FGF12: variants seen among roughly 807,000 people sequenced by gnomAD.
The protein encoded by FGF12 is fibroblast growth factor 12B.
In FGF12, 14 loss-of-function variants were observed where a neutral mutation model predicts 23.6. The observed-to-expected ratio is 0.59, with a 90% CI of 0.39 to 0.93. The LOEUF (loss-of-function observed/expected upper bound fraction) is 0.93, where lower values mean the gene tolerates loss of function less well. FGF12 is among the 40% of genes least tolerant of loss of function. The pLI is 0.00. For missense variants in FGF12, 175 were observed against 217.8 expected (o/e 0.80, Z 1.24); for synonymous variants, 62 against 77.3 (o/e 0.80, Z 1.04).
At chr3:192,579,556 T>A (rs1055985532) in intron 2 of FGF12, among the ~76,000 whole-genome samples, 2 of 152,168 alleles carry the variant, frequency 1.3e-5, no homozygotes, top group Non-Finnish European at 2.9e-5. Context: ...CACATGTTAT[T>A]ATTATCATTA....
chr3:192,655,984 C>T lies in FGF12; in HGVS notation c.13+71197G>A, dbSNP rs114204034. On this transcript the variant is annotated intron_variant, in intron 2 of 5. Transcript: ENST00000445105. ...TAACTAGCACTCCAGACACATGGGC[C>T]GAGAAAAGAAACGTTACATGCCAGA... 8.6e-3 allele frequency among the ~76,000 whole-genome samples: 1,234 copies of T among 142,690 alleles called. 16 individuals carry two copies. Among genetic ancestry groups the T allele is most frequent in the African/African-American group, 0.03 (1,156 of 38,364 alleles). The allele number at this position is 142,690 out of a possible 152,430, so 93.6% of individuals were successfully genotyped here. A position where few individuals can be genotyped will look rare whatever the true frequency, so the allele number is the denominator to read the frequency against.
At chr3:192,585,935 T>C (rs1713356449) in intron 2 of FGF12, among the ~76,000 whole-genome samples, 1 of 152,146 alleles carries the variant, frequency 6.6e-6, no homozygotes, top group South Asian at 2.1e-4. Context: ...AAGCATACAG[T>C]AGTAGCAGTA....
intron 2 of FGF12, among the ~76,000 whole-genome samples, chr3:192,555,991 A>T (rs973419066): frequency 6.6e-6 from 1 of 152,180 alleles, no homozygotes; most frequent in Non-Finnish European, 1.5e-5. Flanking sequence ...GGTAAACACA[A>T]TAAAAGGTAT....
At chr3:192,569,410 C>A (rs1712492524) in intron 2 of FGF12, among the ~76,000 whole-genome samples, 1 of 152,168 alleles carries the variant, frequency 6.6e-6, no homozygotes. Flanking sequence ...TTCTAAGGAA[C>A]CCTCGTATTC....
chr3:192,397,579 G>A (rs566671685), intron 2 of FGF12, among the ~76,000 whole-genome samples: 1 of 152,112 alleles, frequency 6.6e-6, no homozygotes, highest in African/African-American at 2.4e-5. Context: ...AGAAACTTGG[G>A]TTTCCATAGA....
At chr3:192,369,187 TA>T (rs1719115010) in intron 2 of FGF12, among the ~76,000 whole-genome samples, 1 of 152,218 alleles carries the variant, frequency 6.6e-6, no homozygotes. Context: ...GGAGTGTTTG[TA>T]TGCTGAAGGA....
At chr3:192,623,905 T>C (rs1373664879) in intron 2 of FGF12, among the ~76,000 whole-genome samples, 1 of 152,192 alleles carries the variant, frequency 6.6e-6, no homozygotes, top group African/African-American at 2.4e-5. Flanking sequence ...ACTGCATGTT[T>C]CAAAAAGTAA....
chr3:192,462,871 A>G (rs1352730210), intron 2 of FGF12, among the ~76,000 whole-genome samples: 1 of 152,238 alleles, frequency 6.6e-6, no homozygotes, highest in Non-Finnish European at 1.5e-5. Flanking sequence ...ATGCAGCCAT[A>G]TAAGAGAAGC....
At chr3:192,544,830 A>C (rs1377015192) in intron 2 of FGF12, among the ~76,000 whole-genome samples, 1 of 152,230 alleles carries the variant, frequency 6.6e-6, no homozygotes, top group Non-Finnish European at 1.5e-5. Context: ...GCACAGAATC[A>C]GGGTACAGTC....
chr3:192,357,380 G>T (rs2108729368), intron 3 of FGF12, among the ~76,000 whole-genome samples: 1 of 152,102 alleles, frequency 6.6e-6, no homozygotes, highest in East Asian at 1.9e-4. Context: ...AACTTGGGAG[G>T]CTGAGGCAGG....
intron 2 of FGF12, among the ~76,000 whole-genome samples, chr3:192,567,618 G>T (rs984568376): frequency 2.0e-5 from 3 of 152,108 alleles, no homozygotes; most frequent in Admixed American, 6.5e-5. Context: ...CCTTCCAAAA[G>T]CTCTAGGTGA....
At chr3:192,717,191 A>T (rs1277967469) in intron 2 of FGF12, among the ~76,000 whole-genome samples, 1 of 152,206 alleles carries the variant, frequency 6.6e-6, no homozygotes, top group South Asian at 2.1e-4. Context: ...TGATTGGCTT[A>T]TAAGACTATA....
intron 5 of FGF12, among the ~76,000 whole-genome samples, chr3:192,166,033 A>G (rs1715143910): frequency 6.6e-6 from 1 of 152,224 alleles, no homozygotes; most frequent in Admixed American, 6.5e-5. Context: ...CAGAAGTAGT[A>G]AGACTAGTAA....
intron 2 of FGF12, among the ~76,000 whole-genome samples, chr3:192,691,358 A>C (rs1717937515): frequency 6.6e-6 from 1 of 152,122 alleles, no homozygotes; most frequent in Non-Finnish European, 1.5e-5. Flanking sequence ...CAATGGTATG[A>C]AACTAGAAAC....
At chr3:192,456,211 T>C (rs1021648088) in intron 2 of FGF12, among the ~76,000 whole-genome samples, 1 of 152,074 alleles carries the variant, frequency 6.6e-6, no homozygotes, top group Non-Finnish European at 1.5e-5. Context: ...AAATTCGAAA[T>C]GTATTGTTAT....
intron 4 of FGF12, among the ~76,000 whole-genome samples, chr3:192,207,944 T>C (rs1468922477): frequency 6.6e-6 from 1 of 152,130 alleles, no homozygotes; most frequent in Non-Finnish European, 1.5e-5. Context: ...AAATCCTACT[T>C]AGGGCCAGAT....
At chr3:192,178,312 A>T (rs1490339054) in intron 4 of FGF12, among the ~76,000 whole-genome samples, 1 of 152,142 alleles carries the variant, frequency 6.6e-6, no homozygotes, top group Non-Finnish European at 1.5e-5. Flanking sequence ...AAATGGTGGT[A>T]ATATATTATT....
At chr3:192,259,480 A>G (rs1712606363) in intron 4 of FGF12, among the ~76,000 whole-genome samples, 1 of 152,188 alleles carries the variant, frequency 6.6e-6, no homozygotes, top group Admixed American at 6.5e-5. Flanking sequence ...AAACTCCAGA[A>G]GCATTAGATT....
chr3:192,583,905 A>G (rs1713262768), intron 2 of FGF12, among the ~76,000 whole-genome samples: 1 of 152,214 alleles, frequency 6.6e-6, no homozygotes, highest in Non-Finnish European at 1.5e-5. Context: ...GACTAGCTTT[A>G]CAAAGCCTGC....
Sources: gnomAD v4.1 joint callset for allele counts (sites outside exome capture counted in the v4.1 genomes callset) on GRCh38, gnomAD v4.1.1 for gene constraint, MANE v1.5 for transcripts, NCBI Gene and HGNC (gene_info 2026-07-23, HGNC 2026-07-21) for gene names.